Variants in DNAH3 observed in about 807,000 individuals in gnomAD.
DNAH3 encodes dynein axonemal heavy chain 3, also known as axonemal beta dynein heavy chain 3.
DNAH3 carries 332 observed loss-of-function variants against 432.5 expected under a neutral mutation model. The observed-to-expected ratio is 0.77, with a 90% CI of 0.70 to 0.84. The LOEUF (loss-of-function observed/expected upper bound fraction) is 0.84, where lower values mean the gene tolerates loss of function less well. DNAH3 is among the 40% of genes least tolerant of loss of function. The probability of loss-of-function intolerance (pLI) is 0.00; values close to 1 mark genes in which losing one functional copy is unlikely to be tolerated. For synonymous variants in DNAH3, 1,956 were observed against 1,900.2 expected, an observed-to-expected ratio of 1.03 and a Z score of -0.76; for missense variants, 4,861 against 5,114.0, an observed-to-expected ratio of 0.95 and a Z score of 1.51.
intron 52 of DNAH3, among the ~76,000 whole-genome samples, chr16:20,968,038 G>C (rs1315435364): frequency 6.6e-6 from 1 of 152,150 alleles, no homozygotes; most frequent in African/African-American, 2.4e-5. Flanking sequence ...TAAGCAATGG[G>C]AAGCAGGAGC....
chr16:21,073,573 G>C (rs1476059258), intron 21 of DNAH3, among the ~76,000 whole-genome samples: 1 of 152,124 alleles, frequency 6.6e-6, no homozygotes, highest in Non-Finnish European at 1.5e-5. Context: ...GATTTGCTGA[G>C]TATTTTGAAC....
chr16:21,062,290 C>T (rs574579846), intron 25 of DNAH3, among the ~76,000 whole-genome samples, 192 bp downstream of exon 25: 27 of 152,116 alleles, frequency 1.8e-4, no homozygotes, highest in African/African-American at 6.3e-4. Flanking sequence ...CAGTGGAATC[C>T]CCATCTTAGA....
intron 1 of DNAH3, among the ~76,000 whole-genome samples, chr16:21,152,462 C>G (rs537409082): frequency 1.1e-4 from 17 of 152,374 alleles, no homozygotes; most frequent in African/African-American, 3.4e-4. Context: ...CGCTCGCTCT[C>G]GGCGCCTCCT....
chr16:20,941,615 G>C, intron 58 of DNAH3, 72 bp from the exon 59 acceptor site: 1 of 1,553,660 alleles, frequency 6.4e-7, no homozygotes, highest in Admixed American at 1.8e-5. Flanking sequence ...TAAACTTTAA[G>C]TACTGAGCAT....
At position 21,075,479 on chromosome 16, in the gene DNAH3, C is replaced by T. The variant is rs751640621; in HGVS notation, c.3052G>A (p.Val1018Met). Reference sequence around the variant, plus strand: ...CTGTATTTCACGAAGCTGAACGTCACGTTAACCCAATCCAACTTCATTCTA... The same window carrying T: ...CTGTATTTCACGAAGCTGAACGTCATGTTAACCCAATCCAACTTCATTCTA... The change falls in exon 21 of 62, where the codon GTG becomes ATG. Residue 1018 changes from valine to methionine, a missense_variant. Transcript: ENST00000261383. The T allele has an allele frequency of 1.3e-4, 202 of 1,613,954 alleles. No individual in the cohort carries two copies. The highest frequency in any genetic ancestry group is 1.6e-4 in the Non-Finnish European group (186 of 1,179,982).
In DNAH3 at chr16:20,938,228, C is replaced by G. The variant is rs1215767946; in HGVS notation, c.11655-1375G>C. On this transcript the variant is annotated intron_variant, in intron 59 of 61. Transcript: ENST00000261383. ...CCAACATGGTTAAACCCCGTCTGTA[C>G]TAAAAATACAAAATTAGCTGAGCAT... is the stretch of plus-strand genomic sequence containing the variant. Among the ~76,000 whole-genome samples the G allele has an allele frequency of 2.6e-5, 4 of 152,042 alleles. No homozygotes were observed. The South Asian group carries it at 8.3e-4, about 32-fold the overall frequency.
chr16:21,058,193 G>A lies in DNAH3; in HGVS notation c.3817C>T (p.Pro1273Ser), dbSNP rs2090203681. The change falls in exon 27 of 62, where the codon CCT becomes TCT. Residue 1273 changes from proline to serine, a missense_variant. Pro to Ser is a moderately conservative substitution (Grantham distance 74). Transcript: ENST00000261383. ...CACTGTAAGACCCAGTGATTTCGAG[G>A]GACCTGGAAAAGCACAGTGGGCATG... 5.6e-6 allele frequency: 9 copies of A among 1,603,214 alleles called. No individual in the cohort carries two copies. The highest frequency in any genetic ancestry group is 1.3e-5 in the African/African-American group (1 of 74,634).
intron 1 of DNAH3, among the ~76,000 whole-genome samples, chr16:21,152,709 C>G (rs1000169824): frequency 6.6e-6 from 1 of 152,256 alleles, no homozygotes; most frequent in East Asian, 1.9e-4. Flanking sequence ...CTGGCCCTGC[C>G]GGCCCCGGGC....
At chr16:21,050,118 G>C in intron 29 of DNAH3, 100 bp from the exon 30 acceptor site, 1 of 867,104 alleles carries the variant, frequency 1.2e-6, no homozygotes. Flanking sequence ...TTAGGTTAGT[G>C]CAAAAGTGAT....
intron 19 of DNAH3, among the ~76,000 whole-genome samples, chr16:21,082,524 G>GCTA (rs1692732018): frequency 6.6e-6 from 1 of 152,018 alleles, no homozygotes; most frequent in African/African-American, 2.4e-5. Flanking sequence ...GTAAAATGTG[G>GCTA]CTACTAGAAA....
chr16:21,060,611 G>A (rs184563251), intron 25 of DNAH3, among the ~76,000 whole-genome samples: 4 of 136,038 alleles, frequency 2.9e-5, no homozygotes, highest in African/African-American at 5.5e-5. Flanking sequence ...TGCAACCTCC[G>A]ACTCCCTGGT....
chr16:21,130,711 A>G (rs1015072855), intron 7 of DNAH3, among the ~76,000 whole-genome samples: 1 of 152,182 alleles, frequency 6.6e-6, no homozygotes, highest in African/African-American at 2.4e-5. Flanking sequence ...AACCATGAAA[A>G]GCAAGTGGTA....
exon 6 of DNAH3, chr16:21,136,487 T>C (rs753031532): frequency 6.2e-7 from 1 of 1,614,096 alleles, no homozygotes; most frequent in South Asian, 1.1e-5. Context: ...CTTTGCGAAT[T>C]CCATTGGTCA....
chr16:21,042,125 A>C, exon 32 of DNAH3: 8 of 1,613,830 alleles, frequency 5.0e-6, no homozygotes, highest in Non-Finnish European at 6.8e-6. Context: ...GTCCCTTCAA[A>C]GATGAATGTC....
rs1287645957 is a variant in DNAH3 at position 20,999,993 on chromosome 16, AGAAG to A, written c.6421+227_6421+230del. ...AAGGAAGGAAGGAGAAAAGGAGGAA[AGAAG>A]GAAGGAAGGAGAAAAGGAGGGAAGA... On this transcript the variant is annotated intron_variant, in intron 43 of 61. Coordinates refer to ENST00000261383, the Ensembl canonical transcript of DNAH3. 4.9e-5 allele frequency among the ~76,000 whole-genome samples: 7 copies of A among 141,636 alleles called. No homozygotes were observed. The East Asian group carries it at 7.4e-4, about 15-fold the overall frequency. The allele number at this position is 141,636 out of a possible 152,430, so 92.9% of individuals were successfully genotyped here. A position where few individuals can be genotyped will look rare whatever the true frequency, so the allele number is the denominator to read the frequency against.
intron 1 of DNAH3, among the ~76,000 whole-genome samples, chr16:21,148,495 T>C (rs2092814878): frequency 1.3e-5 from 2 of 151,820 alleles, no homozygotes; most frequent in African/African-American, 4.8e-5. Context: ...TGGAGTGCAG[T>C]GACACAATCT....
chr16:20,946,819 CTTTTTTTTT>C (rs71149199), intron 57 of DNAH3, among the ~76,000 whole-genome samples: 8 of 70,864 alleles, frequency 1.1e-4, no homozygotes, highest in Non-Finnish European at 1.5e-4. Flanking sequence ...ATTGTGAGTC[CTTTTTTTTT>C]TTTTTTTTTT....
chr16:21,098,453 A>G (rs1021049797), intron 17 of DNAH3, among the ~76,000 whole-genome samples, 163 bp downstream of exon 17: 2 of 151,370 alleles, frequency 1.3e-5, no homozygotes, highest in South Asian at 2.1e-4. Context: ...AAAAAAAAAA[A>G]AAAAAGAAAA....
At chr16:20,943,771 A>G (rs892455341) in intron 58 of DNAH3, among the ~76,000 whole-genome samples, 1 of 152,176 alleles carries the variant, frequency 6.6e-6, no homozygotes, top group Non-Finnish European at 1.5e-5. Flanking sequence ...GCTTGAGCCC[A>G]GGAGTTTGAG....
Sources: allele counts gnomAD v4.1 joint callset (sites outside exome capture counted in the v4.1 genomes callset), GRCh38; gene constraint gnomAD v4.1.1; transcripts MANE v1.5; gene names NCBI Gene and HGNC (gene_info 2026-07-23, HGNC 2026-07-21).